Variants in ZNF365 observed in about 807,000 individuals in gnomAD.
The protein encoded by ZNF365 is protein ZNF365.
Under a neutral mutation model 35.0 loss-of-function variants are expected in ZNF365, and 22 were observed. The ratio of observed to expected loss-of-function variants is 0.63; its 90% CI spans 0.45 to 0.90. ZNF365 has a LOEUF of 0.90. ZNF365 is among the 40% of genes least tolerant of loss of function. ZNF365 has a pLI of 0.00. For missense variants in ZNF365, 448 were observed against 500.3 expected (o/e 0.90, Z 1.00); for synonymous variants, 188 against 196.2 (o/e 0.96, Z 0.35).
At chr10:62,381,140 G>T (rs1025274472) in intron 2 of ZNF365, among the ~76,000 whole-genome samples, 8 of 152,276 alleles carry the variant, frequency 5.3e-5, no homozygotes, top group Middle Eastern at 3.4e-3. Context: ...TTAGAGAACA[G>T]ATTTTTATGT....
chr10:62,462,333 G>C (rs1840861186), intron 4 of ZNF365, among the ~76,000 whole-genome samples: 1 of 152,234 alleles, frequency 6.6e-6, no homozygotes, highest in Admixed American at 6.5e-5. Context: ...AGAAAGCCTA[G>C]AGAAAGCTTC....
At chr10:62,435,584 C>G (rs1382121526) in intron 3 of ZNF365, among the ~76,000 whole-genome samples, 1 of 152,162 alleles carries the variant, frequency 6.6e-6, no homozygotes, top group Non-Finnish European at 1.5e-5. Context: ...CTTTTAATAT[C>G]ATCTGACAAA....
chr10:62,475,376 TG>T (rs1841112615), intron 4 of ZNF365, among the ~76,000 whole-genome samples: 1 of 152,224 alleles, frequency 6.6e-6, no homozygotes, highest in Non-Finnish European at 1.5e-5. Context: ...GCACCATGAT[TG>T]TGCCTATAAA....
At chr10:62,398,499 T>C (rs1218944127) in intron 3 of ZNF365, among the ~76,000 whole-genome samples, 1 of 152,116 alleles carries the variant, frequency 6.6e-6, no homozygotes, top group African/African-American at 2.4e-5. Flanking sequence ...TCTGCTGACA[T>C]AGACTTCTCA....
At chr10:62,389,147 A>G (rs1461157067) in intron 3 of ZNF365, among the ~76,000 whole-genome samples, 6 of 152,034 alleles carry the variant, frequency 3.9e-5, no homozygotes, top group Non-Finnish European at 8.8e-5. Flanking sequence ...AGTTTAAGAA[A>G]CGCCTAAAGC....
At chr10:62,472,906 G>A (rs1287655998) in intron 4 of ZNF365, among the ~76,000 whole-genome samples, 1 of 152,158 alleles carries the variant, frequency 6.6e-6, no homozygotes, top group East Asian at 1.9e-4. Flanking sequence ...CAGACTTAGG[G>A]TGAAAACAGA....
chr10:62,405,167 T>C (rs1839887035), downstream of ZNF365, among the ~76,000 whole-genome samples: 2 of 152,208 alleles, frequency 1.3e-5, no homozygotes, highest in Admixed American at 1.3e-4. Context: ...GAACCTCATC[T>C]GGTGTTCAGT....
chr10:62,379,642 C>G (rs1428361994), intron 2 of ZNF365, among the ~76,000 whole-genome samples: 1 of 152,060 alleles, frequency 6.6e-6, no homozygotes, highest in African/African-American at 2.4e-5. Context: ...GCCTCCCCAC[C>G]CCCGCACCCC....
chr10:62,379,023 G>GT (rs1839383574), intron 2 of ZNF365, among the ~76,000 whole-genome samples: 5 of 118,002 alleles, frequency 4.2e-5, no homozygotes, highest in African/African-American at 1.4e-4. Flanking sequence ...ATTACGAGTT[G>GT]ATTTTTTTTT....
chr10:62,463,519 G>A lies in ZNF365; in HGVS notation c.981+3722G>A, dbSNP rs563345652. ...AAAAAGAGCCGGGACAAATATGTGC[G>A]GCTTTGGTACATGACAGGATGCAGA... On this transcript the variant is annotated intron_variant, in intron 4 of 4. Coordinates refer to the ZNF365 transcript ENST00000395255. Among the ~76,000 whole-genome samples, 23 of 152,294 alleles carry A rather than the reference G, an allele frequency of 1.5e-4. 1 individual carries two copies. The highest frequency in any genetic ancestry group is 3.4e-4 in the African/African-American group (14 of 41,562).
In ZNF365 at chr10:62,476,728, A is replaced by G. The variant is rs73282657; in HGVS notation, c.982-3148A>G. On this transcript the variant is annotated intron_variant, in intron 4 of 4. Transcript: ENST00000395255. The stretch of plus-strand genomic sequence containing the variant: ...AGCAAATTAGACATTGAAGTGTTCT[A>G]AGAGCTTGATCTGAATTGTTTTTAT... Among the ~76,000 whole-genome samples the G allele has an allele frequency of 1.7e-3, 253 of 152,382 alleles. 1 individual carries two copies. The highest frequency in any genetic ancestry group is 5.5e-3 in the African/African-American group (229 of 41,592).
At chr10:62,427,632 C>A (rs1840270753) in intron 3 of ZNF365, among the ~76,000 whole-genome samples, 1 of 152,122 alleles carries the variant, frequency 6.6e-6, no homozygotes, top group African/African-American at 2.4e-5. Context: ...AACACTTGGT[C>A]ATTTCTCTTT....
chr10:62,391,587 A>G (rs1839629946), intron 3 of ZNF365, among the ~76,000 whole-genome samples: 2 of 152,112 alleles, frequency 1.3e-5, no homozygotes, highest in Admixed American at 1.3e-4. Context: ...TTTCCTTTTT[A>G]TGGCTGAGTG....
chr10:62,472,175 G>A (rs982666034), intron 4 of ZNF365, among the ~76,000 whole-genome samples: 2 of 152,182 alleles, frequency 1.3e-5, no homozygotes, highest in African/African-American at 4.8e-5. Flanking sequence ...TCCATGTGGT[G>A]TCATCCCACT....
intron 3 of ZNF365, among the ~76,000 whole-genome samples, chr10:62,394,304 G>A (rs993445304): frequency 2.0e-5 from 3 of 152,056 alleles, no homozygotes; most frequent in South Asian, 2.1e-4. Flanking sequence ...TTCAGGCTGC[G>A]GTAGTTAGCA....
chr10:62,410,077 G>C (rs1005485745), intron 3 of ZNF365, among the ~76,000 whole-genome samples: 4 of 152,062 alleles, frequency 2.6e-5, no homozygotes, highest in African/African-American at 4.8e-5. Context: ...TTTTTCAACA[G>C]CACTGACTTC....
At chr10:62,403,222 G>A (rs552587370), downstream of ZNF365, among the ~76,000 whole-genome samples, 28 of 152,298 alleles carry the variant, frequency 1.8e-4, no homozygotes, top group African/African-American at 5.8e-4. Context: ...TCATAAGGAA[G>A]AGAAGATACA....
intron 3 of ZNF365, among the ~76,000 whole-genome samples, chr10:62,395,504 A>ATTTTTTTTTTTTTTTTT (rs67866839): frequency 4.1e-5 from 4 of 98,466 alleles, no homozygotes; most frequent in Non-Finnish European, 4.0e-5. Flanking sequence ...CACCCGGCTA[A>ATTTTTTTTTTTTTTTTT]TTTTTTTTTT....
At chr10:62,438,193 G>GTTTTTT (rs11357058) in intron 3 of ZNF365, among the ~76,000 whole-genome samples, 1 of 142,596 alleles carries the variant, frequency 7.0e-6, no homozygotes. Context: ...TTTTGTTTTT[G>GTTTTTT]TTTTTTTTTT....
Sources: gnomAD v4.1 joint callset for allele counts (sites outside exome capture counted in the v4.1 genomes callset) on GRCh38, gnomAD v4.1.1 for gene constraint, MANE v1.5 for transcripts, NCBI Gene and HGNC (gene_info 2026-07-23, HGNC 2026-07-21) for gene names.